FTO: variants seen among roughly 807,000 people sequenced by gnomAD.
The protein encoded by FTO is FTO alpha-ketoglutarate dependent dioxygenase.
FTO carries 47 observed loss-of-function variants against 63.9 expected under a neutral mutation model. That is an observed-to-expected ratio of 0.74 (90% CI 0.58 to 0.94). The LOEUF is 0.94. Among genes scored for constraint, FTO ranks in the 40% least tolerant of loss-of-function variants. The probability of loss-of-function intolerance (pLI) is 0.00; values close to 1 mark genes in which losing one functional copy is unlikely to be tolerated. For synonymous variants in FTO, 207 were observed against 224.4 expected, an observed-to-expected ratio of 0.92 and a Z score of 0.69; for missense variants, 562 against 618.1, an observed-to-expected ratio of 0.91 and a Z score of 0.96.
At chr16:53,889,040 T>G in intron 7 of FTO, 89 bp downstream of exon 7, 1 of 1,404,376 alleles carries the variant, frequency 7.1e-7, no homozygotes, top group Non-Finnish European at 1.0e-6. Flanking sequence ...AAATGTAGAT[T>G]TAATTATTCC....
In FTO at chr16:54,059,254, C is replaced by G. The variant is rs968288698; in HGVS notation, c.1365-52508C>G. On this transcript the variant is annotated intron_variant, in intron 8 of 8. Transcript: ENST00000471389. Reference sequence around the variant, plus strand: ...TCTAGCCCACATTAAGGAGCCATTGCATTTCCCGACAATTGTATGCTATCT... The same window carrying G: ...TCTAGCCCACATTAAGGAGCCATTGGATTTCCCGACAATTGTATGCTATCT... Among the ~76,000 whole-genome samples the G allele has an allele frequency of 2.0e-5, 3 of 152,202 alleles. No homozygotes were observed. The South Asian group carries it at 6.2e-4, about 32-fold the overall frequency.
Position 53,758,059 on chromosome 16 carries a change from C to G in FTO, c.46-52081C>G, listed in dbSNP as rs143635050. On this transcript the variant is annotated intron_variant, in intron 1 of 8. Transcript: ENST00000471389. ...ACGTTTTCCTTTTGTACAGTCACAT[C>G]TCATTATACAACATTAGTCTTAAGC... is the stretch of plus-strand genomic sequence containing the variant. Among the ~76,000 whole-genome samples the G allele has an allele frequency of 3.9e-3, 595 of 152,304 alleles. 6 individuals are homozygous for G. The highest frequency in any genetic ancestry group is 0.014 in the African/African-American group (564 of 41,554).
At chr16:53,888,368 T>C (rs1054951803) in intron 6 of FTO, among the ~76,000 whole-genome samples, 2 of 152,014 alleles carry the variant, frequency 1.3e-5, no homozygotes, top group Admixed American at 1.3e-4. Context: ...TGCCAATTTA[T>C]TTTTAAAAAT....
At chr16:53,870,196 G>GA in intron 4 of FTO, among the ~76,000 whole-genome samples, 1 of 152,256 alleles carries the variant, frequency 6.6e-6, no homozygotes. Context: ...TGACAAGTGA[G>GA]ACCCTGTCTC....
rs554614190 is a variant in FTO at position 53,988,378 on chromosome 16, T to C, written c.1364+54269T>C. The stretch of plus-strand genomic sequence containing the variant: ...GGAGGAGCCAGCTTTATTTTTTACG[T>C]TGGGGCCTTAAGTTGGGCTATGAAG... On this transcript the variant is annotated intron_variant, in intron 8 of 8. Transcript: ENST00000471389. Among the ~76,000 whole-genome samples the C allele has an allele frequency of 7.2e-5, 11 of 152,258 alleles. No individual in the cohort carries two copies. In the South Asian group the frequency reaches 1.5e-3, roughly 20 times the overall value.
In FTO at chr16:53,879,911, A is replaced by T. The variant is rs149659678; in HGVS notation, c.1043A>T (p.Asp348Val). The T allele has an allele frequency of 2.8e-5, 45 of 1,613,874 alleles. No homozygotes were observed. In the African/African-American group the frequency reaches 5.6e-4, roughly 20 times the overall value. Residue 348 changes from aspartate to valine, a missense_variant, in exon 6 of 9, where the codon GAT (aspartate) becomes GTT (valine). By Grantham distance (152) the Asp-to-Val change is radical (BLOSUM62 -3). Transcript: ENST00000471389. ...TTGGCTCTGCAGAATGTCTGTGACG[A>T]TGTGGACAATGATGATGTCTCTTTG... ...CQLALQNVCD[D>V]VDNDDVSLKS...
At chr16:53,729,402 C>T (rs1197603521) in intron 1 of FTO, among the ~76,000 whole-genome samples, 4 of 151,746 alleles carry the variant, frequency 2.6e-5, no homozygotes. Context: ...TGGTGCGTGC[C>T]TGTATTCTAG....
intron 8 of FTO, among the ~76,000 whole-genome samples, chr16:54,017,387 A>C (rs1172540349): frequency 6.6e-6 from 1 of 152,208 alleles, no homozygotes; most frequent in Non-Finnish European, 1.5e-5. Context: ...ATTATGTGGA[A>C]TATCATGAGC....
At chr16:53,725,115 G>A (rs1465416204) in intron 1 of FTO, among the ~76,000 whole-genome samples, 1 of 152,128 alleles carries the variant, frequency 6.6e-6, no homozygotes, top group Admixed American at 6.5e-5. Context: ...GATGTCTACA[G>A]GAGTACTTCC....
intron 1 of FTO, among the ~76,000 whole-genome samples, chr16:53,733,985 AT>A (rs1022833823): frequency 6.6e-6 from 1 of 152,206 alleles, no homozygotes; most frequent in African/African-American, 2.4e-5. Context: ...AAGCACACAC[AT>A]TTTACAAATT....
At chr16:53,840,414 C>T (rs1014496901) in intron 3 of FTO, among the ~76,000 whole-genome samples, 3 of 152,138 alleles carry the variant, frequency 2.0e-5, no homozygotes, top group Admixed American at 1.3e-4. Context: ...CACATTACAT[C>T]ATAATTATTT....
At chr16:53,860,566 G>C (rs1419105510) in intron 4 of FTO, among the ~76,000 whole-genome samples, 4 of 152,160 alleles carry the variant, frequency 2.6e-5, no homozygotes, top group African/African-American at 7.2e-5. Context: ...AAAGCAAAAA[G>C]GGGGAGCCAG....
intron 7 of FTO, among the ~76,000 whole-genome samples, chr16:53,889,661 A>G (rs1325477114): frequency 1.3e-5 from 2 of 152,076 alleles, no homozygotes; most frequent in Non-Finnish European, 2.9e-5. Context: ...GCTGAGGAGT[A>G]TGATGGGATG....
chr16:53,855,788 A>G (rs2079974014), intron 4 of FTO, among the ~76,000 whole-genome samples: 1 of 151,858 alleles, frequency 6.6e-6, no homozygotes, highest in Non-Finnish European at 1.5e-5. Flanking sequence ...GTGACATCAC[A>G]GAACTTTCTA....
chr16:54,048,514 G>A (rs1599270752), intron 8 of FTO, among the ~76,000 whole-genome samples: 1 of 152,196 alleles, frequency 6.6e-6, no homozygotes, highest in African/African-American at 2.4e-5. Context: ...CATACAGTTG[G>A]CACTTCTGTT....
intron 3 of FTO, among the ~76,000 whole-genome samples, chr16:53,840,745 C>T (rs7190053): frequency 0.13 from 20,391 of 152,116 alleles, 1,791 homozygotes; most frequent in Middle Eastern, 0.23. Context: ...TAGGCAGGTA[C>T]CTCAAATGAG....
rs550732165 is a variant in FTO, at chr16:53,747,395, G to C, written c.45+43166G>C. On this transcript the variant is annotated intron_variant, in intron 1 of 8. Transcript: ENST00000471389. ...CAGTAGTCCTTCTGGCTGGTGTGAG[G>C]GGATATCTCATTGTGGTTTTAATTT... Among the ~76,000 whole-genome samples, 7 of 152,064 alleles carry C rather than the reference G, an allele frequency of 4.6e-5. No individual in the cohort carries two copies. In the South Asian group the frequency reaches 1.5e-3, roughly 32 times the overall value.
At chr16:54,057,654 G>A (rs1203976174) in intron 8 of FTO, among the ~76,000 whole-genome samples, 1 of 151,702 alleles carries the variant, frequency 6.6e-6, no homozygotes, top group African/African-American at 2.4e-5. Context: ...TGTATTTTTG[G>A]TAGAGATGGG....
At chr16:54,105,709 G>GTTCAT (rs2086734908) in intron 8 of FTO, among the ~76,000 whole-genome samples, 1 of 151,780 alleles carries the variant, frequency 6.6e-6, no homozygotes, top group East Asian at 1.9e-4. Context: ...CCTCTTAGGA[G>GTTCAT]TTCATTTCTG....
Sources: allele counts gnomAD v4.1 joint callset (sites outside exome capture counted in the v4.1 genomes callset), GRCh38; gene constraint gnomAD v4.1.1; transcripts MANE v1.5; gene names NCBI Gene and HGNC (gene_info 2026-07-23, HGNC 2026-07-21).